The following LLGL2 variants were observed in gnomAD, a reference collection of about 807,000 sequenced individuals.
LLGL2 encodes LLGL2, scribble cell polarity complex component.
Under a neutral mutation model 123.2 loss-of-function variants are expected in LLGL2, and 81 were observed. That is an observed-to-expected ratio of 0.66 (90% CI 0.55 to 0.79). LLGL2 has a LOEUF of 0.79. LLGL2 is among the 30% of genes least tolerant of loss of function. The pLI is 0.00. For synonymous variants in LLGL2, 577 were observed against 594.1 expected (o/e 0.97, Z 0.42); for missense variants, 1,273 against 1,414.6 (o/e 0.90, Z 1.61).
chr17:75,545,139 C>T (rs967830612), intron 2 of LLGL2, among the ~76,000 whole-genome samples: 2 of 151,658 alleles, frequency 1.3e-5, no homozygotes, highest in Non-Finnish European at 2.9e-5. Flanking sequence ...GCACCAAGTT[C>T]TGTCTGTGCA....
rs574494384 is a variant in LLGL2, at chr17:75,555,352, G to T, written c.76-694G>T. 1.0e-4 allele frequency among the ~76,000 whole-genome samples: 15 copies of T among 150,746 alleles called. No individual in the cohort carries two copies. The East Asian group carries it at 2.4e-3, about 24-fold the overall frequency. On this transcript the variant is annotated intron_variant, in intron 2 of 25. Coordinates refer to ENST00000392550, the MANE Select transcript of LLGL2 (RefSeq NM_001031803.2). The stretch of plus-strand genomic sequence containing the variant: ...TCGCCCAGGCTGCTCTGCCTGCCGG[G>T]TTCGCACCATTCTCCTGCCTCAGCC...
At chr17:75,566,729 G>T (rs1029017496) in intron 10 of LLGL2, among the ~76,000 whole-genome samples, 5 of 152,168 alleles carry the variant, frequency 3.3e-5, no homozygotes, top group Admixed American at 3.3e-4. Context: ...TGACGTGAGG[G>T]TTTGCTGGGA....
rs183905886 is a variant in LLGL2, at chr17:75,564,817, T to C, written c.1036+310T>C. On this transcript the variant is annotated intron_variant, in intron 10 of 25. Transcript: ENST00000392550. The surrounding 1 kb of genome is among the most constrained non-coding windows in gnomAD (Gnocchi z 4.9). ...AGGTGGAGGTTGCAGCGAACCAGGA[T>C]CATGCTACTGTACTCAGCCTGGGTG... 135 of 295,592 alleles carry C rather than the reference T, an allele frequency of 4.6e-4. No homozygotes were observed. Among genetic ancestry groups the C allele is most frequent in the Non-Finnish European group, 5.6e-5 (9 of 161,010 alleles). 18.3% of individuals were successfully genotyped at this position (295,592 alleles called of 1,614,324 possible).
intron 19 of LLGL2, among the ~76,000 whole-genome samples, chr17:75,572,659 C>A (rs1273310834): frequency 8.6e-6 from 1 of 116,034 alleles, no homozygotes. Context: ...AGCGAGATTC[C>A]GTCTCAAAAA....
At chr17:75,554,902 A>AC (rs1317220455) in intron 2 of LLGL2, among the ~76,000 whole-genome samples, 2 of 148,186 alleles carry the variant, frequency 1.3e-5, no homozygotes, top group East Asian at 4.1e-4. Flanking sequence ...AAAAAAAAAA[A>AC]ATTTTTGGCT....
At chr17:75,572,101 C>T in intron 19 of LLGL2, 37 bp downstream of exon 19, 1 of 1,588,194 alleles carries the variant, frequency 6.3e-7, no homozygotes, top group Non-Finnish European at 8.6e-7. Flanking sequence ...CCTGGGACTC[C>T]CCGGGACATC....
chr17:75,563,300 T>C, intron 7 of LLGL2, 31 bp from the exon 8 acceptor site: 3 of 1,609,348 alleles, frequency 1.9e-6, no homozygotes, highest in Non-Finnish European at 1.7e-6. Flanking sequence ...TCCAGCGTGC[T>C]GCCCTCTGTC....
chr17:75,570,117 C>T lies in LLGL2; in HGVS notation c.1736C>T (p.Pro579Leu). 6.2e-7 allele frequency: 1 copy of T among 1,602,770 alleles called. No homozygotes were observed. ...GPVRFEPGFQ[P>L]FVLVQCQPPA... ...GTGCGCTTTGAGCCTGGCTTTCAGC[C>T]CTTCGTGTTGGTGCAGTGTCAGCCC... The change falls in exon 15 of 26, where the codon CCC (proline) becomes CTC (leucine). Residue 579 changes from proline to leucine, a missense_variant. Pro to Leu is a moderately conservative substitution (Grantham distance 98). Transcript: ENST00000392550.
At chr17:75,556,226 C>T (rs1354060047) in intron 3 of LLGL2, 83 bp downstream of exon 3, 2 of 1,090,506 alleles carry the variant, frequency 1.8e-6, no homozygotes, top group Non-Finnish European at 2.7e-6. Context: ...CCTTCCTTGC[C>T]CGTGGGCTGT....
At chr17:75,565,949 G>A (rs559844866) in intron 10 of LLGL2, among the ~76,000 whole-genome samples, 1 of 152,342 alleles carries the variant, frequency 6.6e-6, no homozygotes, top group East Asian at 1.9e-4. Context: ...TGAGTATGTG[G>A]ACAGAGTGAG....
chr17:75,532,080 T>TACACACACACACACAC (rs1444218695), intron 1 of LLGL2, among the ~76,000 whole-genome samples: 312 of 27,996 alleles, frequency 0.011, no homozygotes, highest in Non-Finnish European at 0.031. Flanking sequence ...ACACACACTT[T>TACACACACACACACAC]TTTTTTTTTT....
In LLGL2 at chr17:75,563,097, C is replaced by G. The variant is rs776205394; in HGVS notation, c.612C>G (p.Ile204Met). 9 of 1,613,192 alleles carry G rather than the reference C, an allele frequency of 5.6e-6. No individual in the cohort carries two copies. The Admixed American group carries it at 8.3e-5, about 15-fold the overall frequency. Reference protein sequence around the residue: ...LQEHPRDPNQILIGYSRGLVV... With the variant: ...LQEHPRDPNQMLIGYSRGLVV... Reference sequence around the variant, plus strand: ...AGCACCCTCGAGACCCCAACCAGATCCTGATCGGCTACAGCCGAGGCCTCG... The same window carrying G: ...AGCACCCTCGAGACCCCAACCAGATGCTGATCGGCTACAGCCGAGGCCTCG... Residue 204 changes from isoleucine to methionine, a missense_variant, in exon 7 of 26, where the codon ATC becomes ATG. Ile to Met is a conservative substitution (Grantham distance 10). Transcript: ENST00000392550.
At chr17:75,563,279 C>T (rs532807896) in intron 7 of LLGL2, 52 bp from the exon 8 acceptor site, 20 of 1,603,372 alleles carry the variant, frequency 1.2e-5, no homozygotes, top group African/African-American at 4.0e-5. Context: ...GCGATGGGAA[C>T]GCCGCCTCGG....
chr17:75,534,970 C>T (rs2053946030), intron 1 of LLGL2, among the ~76,000 whole-genome samples: 1 of 152,224 alleles, frequency 6.6e-6, no homozygotes, highest in South Asian at 2.1e-4. Context: ...GCCCCCATTC[C>T]CTCTGGTTTG....
rs1159956573 is a variant in LLGL2 at position 75,572,996 on chromosome 17, A to G, written c.2461-18A>G. On this transcript the variant is annotated intron_variant, in intron 19 of 25. Transcript: ENST00000392550. ...ACTGGTTTGGCCATGGGCATGAACA[A>G]CCACCCCACGCCCCCAGGTGTTCAC... 6.3e-7 allele frequency: 1 copy of G among 1,588,166 alleles called. No homozygotes were observed. Among genetic ancestry groups the G allele is most frequent in the African/African-American group, 1.3e-5 (1 of 74,546 alleles).
At chr17:75,552,744 C>T (rs2054734586) in intron 2 of LLGL2, among the ~76,000 whole-genome samples, 1 of 152,218 alleles carries the variant, frequency 6.6e-6, no homozygotes, top group African/African-American at 2.4e-5. Flanking sequence ...CCCTGTTCTT[C>T]TAGAACCCGA....
chr17:75,550,965 T>G (rs1319832062), intron 2 of LLGL2, among the ~76,000 whole-genome samples: 1 of 151,944 alleles, frequency 6.6e-6, no homozygotes, highest in African/African-American at 2.4e-5. Flanking sequence ...CAAATCCCAA[T>G]CCCTTCCCTG....
In LLGL2 at chr17:75,568,712, C is replaced by T. The variant is rs1294610464; in HGVS notation, c.1254+19C>T. On this transcript the variant is annotated intron_variant, in intron 11 of 25. Transcript: ENST00000392550. ...CACCATGGTAGGTCTGGCCCTGGCC[C>T]CAGCCCCAGCCCCACCGCAAGCCAA... 1.2e-5 allele frequency: 19 copies of T among 1,613,280 alleles called. No homozygotes were observed. In the South Asian group the frequency reaches 2.0e-4, roughly 17 times the overall value.
chr17:75,573,134 G>C lies in LLGL2; in HGVS notation c.2581G>C (p.Glu861Gln). The change falls in exon 20 of 26, where the codon GAG (glutamate) becomes CAG (glutamine). Residue 861 changes from glutamate (E) to glutamine (Q), a missense_variant. Coordinates refer to ENST00000392550, the MANE Select transcript of LLGL2 (RefSeq NM_001031803.2). ...FGSRRAEDYGEHHLAVLTNLG... is the reference protein window; with the variant it reads ...FGSRRAEDYGQHHLAVLTNLG... ...CAGTCGTCGAGCCGAGGACTACGGG[G>C]AGCACCACCTGGCAGTCCTTACCAA... The C allele has an allele frequency of 6.2e-7, 1 of 1,613,134 alleles. No individual in the cohort carries two copies. The highest frequency in any genetic ancestry group is 8.5e-7 in the Non-Finnish European group (1 of 1,179,998).
Sources: allele counts gnomAD v4.1 joint callset (sites outside exome capture counted in the v4.1 genomes callset), GRCh38; gene constraint gnomAD v4.1.1; non-coding constraint Gnocchi (gnomAD v3.1); transcripts MANE v1.5; gene names NCBI Gene and HGNC (gene_info 2026-07-23, HGNC 2026-07-21).